The following SLC7A1 variants were observed in gnomAD, a reference collection of about 807,000 sequenced individuals.
SLC7A1 encodes the protein high affinity cationic amino acid transporter 1.
In SLC7A1, 10 loss-of-function variants were observed where a neutral mutation model predicts 53.9. That is an observed-to-expected ratio of 0.19 (90% confidence interval 0.11 to 0.31). The LOEUF is 0.31. SLC7A1 is among the 10% of genes least tolerant of loss of function. The probability of loss-of-function intolerance (pLI) is 1.00; values close to 1 mark genes in which losing one functional copy is unlikely to be tolerated. For synonymous variants in SLC7A1, 342 were observed against 338.7 expected (o/e 1.01, Z -0.11); for missense variants, 525 against 827.2 (o/e 0.63, Z 4.48).
At chr13:29,547,987 T>C (rs749704521) in intron 2 of SLC7A1, among the ~76,000 whole-genome samples, 10 of 152,210 alleles carry the variant, frequency 6.6e-5, no homozygotes, top group Admixed American at 1.3e-4. Flanking sequence ...AGTTAAAGCG[T>C]CTTTTATATG....
intron 2 of SLC7A1, among the ~76,000 whole-genome samples, chr13:29,540,550 C>T (rs901118881): frequency 2.0e-5 from 3 of 152,200 alleles, no homozygotes; most frequent in African/African-American, 4.8e-5. Context: ...GACGTTTTCA[C>T]CTTGAATTTA....
chr13:29,565,903 C>T (rs757186077), intron 1 of SLC7A1, among the ~76,000 whole-genome samples: 1 of 152,214 alleles, frequency 6.6e-6, no homozygotes, highest in Admixed American at 6.5e-5. Flanking sequence ...AGGGATCCTG[C>T]GGTTCTGGGC....
chr13:29,570,264 G>A (rs938016129), intron 1 of SLC7A1, among the ~76,000 whole-genome samples: 3 of 152,200 alleles, frequency 2.0e-5, no homozygotes, highest in Non-Finnish European at 4.4e-5. Context: ...TGGGTACAAA[G>A]GCCTAGCAGT....
intron 1 of SLC7A1, among the ~76,000 whole-genome samples, chr13:29,568,552 A>C (rs1229788777): frequency 6.6e-6 from 1 of 152,264 alleles, no homozygotes; most frequent in African/African-American, 2.4e-5. Context: ...ACGCATGTGC[A>C]TTCCCTAAAA....
rs148017698 is a variant in SLC7A1 at position 29,539,910 on chromosome 13, T to G, written c.-14-3708A>C. Among the ~76,000 whole-genome samples the G allele has an allele frequency of 2.2e-3, 332 of 152,348 alleles. 2 individuals carry two copies. Among genetic ancestry groups the G allele is most frequent in the African/African-American group, 7.6e-3 (318 of 41,572 alleles). On this transcript the variant is annotated intron_variant, in intron 2 of 12. Coordinates refer to ENST00000380752, the MANE Select transcript of SLC7A1 (RefSeq NM_003045.5). ...ATGTCTCAGGCTAGGTGTTCATTCC[T>G]ACTTCCCAGGGTAGGAGAAAATGAG... is the stretch of plus-strand genomic sequence containing the variant.
chr13:29,528,778 T>C (rs2139090277), intron 5 of SLC7A1, among the ~76,000 whole-genome samples: 1 of 152,210 alleles, frequency 6.6e-6, no homozygotes, highest in Non-Finnish European at 1.5e-5. Context: ...CCGTCAGATG[T>C]AGCTAAGGGG....
At chr13:29,554,590 T>G (rs1367626911) in intron 1 of SLC7A1, among the ~76,000 whole-genome samples, 1 of 152,198 alleles carries the variant, frequency 6.6e-6, no homozygotes, top group Non-Finnish European at 1.5e-5. Flanking sequence ...TTTCTAAATC[T>G]TACCATTTAC....
intron 1 of SLC7A1, among the ~76,000 whole-genome samples, chr13:29,592,281 A>G (rs1440086607): frequency 6.6e-6 from 1 of 152,216 alleles, no homozygotes; most frequent in Non-Finnish European, 1.5e-5. Flanking sequence ...TAACTAGAGG[A>G]AAAAAGCCCA....
At chr13:29,593,361 G>A (rs1593589489) in intron 1 of SLC7A1, among the ~76,000 whole-genome samples, 3 of 152,250 alleles carry the variant, frequency 2.0e-5, no homozygotes, top group East Asian at 1.9e-4. Context: ...ACATCCTATC[G>A]GAAGGTCTTG....
chr13:29,516,870 C>G (rs1426959194), intron 11 of SLC7A1: 1 of 363,126 alleles, frequency 2.8e-6, no homozygotes, highest in African/African-American at 2.1e-5. Flanking sequence ...TATCCAGGGA[C>G]TGGCGAGGTC....
intron 6 of SLC7A1, 96 bp from the exon 7 acceptor site, chr13:29,523,584 C>A (rs140965234): frequency 5.6e-6 from 5 of 887,802 alleles, no homozygotes; most frequent in Non-Finnish European, 8.9e-6. Flanking sequence ...CCGGAACCCA[C>A]GTGACCCTAC....
intron 1 of SLC7A1, among the ~76,000 whole-genome samples, chr13:29,560,950 T>TA (rs1555293024): frequency 2.6e-5 from 4 of 152,110 alleles, no homozygotes; most frequent in Non-Finnish European, 1.5e-5. Context: ...TAAGAACCAC[T>TA]AAAAAAATCT....
intron 2 of SLC7A1, among the ~76,000 whole-genome samples, chr13:29,543,334 T>A (rs974350749): frequency 6.6e-6 from 1 of 152,154 alleles, no homozygotes; most frequent in African/African-American, 2.4e-5. Context: ...TTTACACTCT[T>A]CTAAAATCCA....
At chr13:29,595,357 C>T (rs1872266736) in intron 1 of SLC7A1, 59 bp downstream of exon 1, 1 of 151,830 alleles carries the variant, frequency 6.6e-6, no homozygotes, top group Admixed American at 6.6e-5. Flanking sequence ...CCAGGGCCCC[C>T]TCCGTGATGA....
At chr13:29,552,944 G>C (rs1016333533) in intron 2 of SLC7A1, among the ~76,000 whole-genome samples, 1 of 151,978 alleles carries the variant, frequency 6.6e-6, no homozygotes, top group Non-Finnish European at 1.5e-5. Flanking sequence ...AACCCAAATA[G>C]AAGAATCAGA....
In SLC7A1 at chr13:29,587,365, C is replaced by T. The variant is rs749578502; in HGVS notation, c.-115+8051G>A. 2.0e-5 allele frequency among the ~76,000 whole-genome samples: 3 copies of T among 152,236 alleles called. No homozygotes were observed. The South Asian group carries it at 6.2e-4, about 32-fold the overall frequency. On this transcript the variant is annotated intron_variant, in intron 1 of 12. Transcript: ENST00000380752. ...GGAAGCGAGATCCAAACTTCACTAC[C>T]TGCACCAGTTTTAAAACCTTTCCCT...
chr13:29,540,587 C>A (rs1378706503), intron 2 of SLC7A1, among the ~76,000 whole-genome samples: 1 of 152,200 alleles, frequency 6.6e-6, no homozygotes, highest in Non-Finnish European at 1.5e-5. Flanking sequence ...CTGATACATT[C>A]CAGCTTAATG....
chr13:29,528,010 G>A (rs1184966233), intron 5 of SLC7A1, among the ~76,000 whole-genome samples: 1 of 152,264 alleles, frequency 6.6e-6, no homozygotes, highest in East Asian at 1.9e-4. Flanking sequence ...GTCTGCATCT[G>A]CTGAGAAATG....
At chr13:29,571,863 A>G (rs1871207319) in intron 1 of SLC7A1, among the ~76,000 whole-genome samples, 1 of 152,228 alleles carries the variant, frequency 6.6e-6, no homozygotes, top group South Asian at 2.1e-4. Flanking sequence ...TGATTAAAGA[A>G]TCATTTCAAG....
Sources: gnomAD v4.1 joint callset for allele counts (sites outside exome capture counted in the v4.1 genomes callset) on GRCh38, gnomAD v4.1.1 for gene constraint, MANE v1.5 for transcripts, NCBI Gene and HGNC (gene_info 2026-07-23, HGNC 2026-07-21) for gene names.